TPO: variants seen among roughly 807,000 people sequenced by gnomAD.
The protein encoded by TPO is thyroid peroxidase.
In TPO, 78 loss-of-function variants were observed where a neutral mutation model predicts 96.9. The observed-to-expected ratio is 0.81, with a 90% CI of 0.67 to 0.97. The LOEUF (loss-of-function observed/expected upper bound fraction) is 0.97, where lower values mean the gene tolerates loss of function less well. Ranked by LOEUF, TPO falls within the 50% of genes least tolerant of loss-of-function variation. TPO has a pLI of 0.00. For synonymous variants in TPO, 547 were observed against 538.0 expected (o/e 1.02, Z -0.23); for missense variants, 1,252 against 1,274.8 (o/e 0.98, Z 0.27).
chr2:1,391,048 G>A (rs1661992184), intron 1 of TPO, among the ~76,000 whole-genome samples: 1 of 152,144 alleles, frequency 6.6e-6, no homozygotes. Flanking sequence ...GATCCCATTT[G>A]TCAATTTTGG....
chr2:1,530,802 C>T (rs542776013), intron 15 of TPO, among the ~76,000 whole-genome samples: 4 of 127,476 alleles, frequency 3.1e-5, no homozygotes, highest in Non-Finnish European at 3.2e-5. Context: ...TCAAATCCCC[C>T]GACTGTGTGC....
chr2:1,430,686 G>A (rs910824728), intron 3 of TPO, among the ~76,000 whole-genome samples: 1 of 152,252 alleles, frequency 6.6e-6, no homozygotes, highest in Admixed American at 6.5e-5. Context: ...GCTGCCCAAG[G>A]CTATGGGAGC....
intron 1 of TPO, 106 bp downstream of exon 1, chr2:1,413,651 A>G: frequency 2.0e-6 from 2 of 985,334 alleles, no homozygotes; most frequent in Non-Finnish European, 2.4e-6. Context: ...TATAGCAGGT[A>G]TGGGTGGCGT....
chr2:1,537,537 C>T (rs1272840448), intron 15 of TPO, among the ~76,000 whole-genome samples: 189 of 39,814 alleles, frequency 4.7e-3, no homozygotes, highest in Non-Finnish European at 6.8e-3. Flanking sequence ...GCCTATCCCC[C>T]CCAGTGTGCA....
intron 3 of TPO, among the ~76,000 whole-genome samples, chr2:1,427,694 C>T (rs1486900280): frequency 6.6e-6 from 1 of 152,176 alleles, no homozygotes; most frequent in African/African-American, 2.4e-5. Flanking sequence ...GTCCGGGAGA[C>T]CAGAGGCCGA....
intron 1 of TPO, among the ~76,000 whole-genome samples, chr2:1,394,765 T>G (rs527551049): frequency 5.6e-4 from 85 of 152,304 alleles, no homozygotes; most frequent in African/African-American, 2.0e-3. Flanking sequence ...TTATAATTTT[T>G]TGAGAAGGGG....
At chr2:1,521,044 C>T (rs1287914053) in intron 15 of TPO, among the ~76,000 whole-genome samples, 1 of 152,206 alleles carries the variant, frequency 6.6e-6, no homozygotes, top group Non-Finnish European at 1.5e-5. Flanking sequence ...TTCTGAAATA[C>T]AATTTTTCAG....
At chr2:1,450,410 G>A (rs903633902) in intron 5 of TPO, among the ~76,000 whole-genome samples, 1 of 152,154 alleles carries the variant, frequency 6.6e-6, no homozygotes, top group African/African-American at 2.4e-5. Context: ...AGAGTGACTC[G>A]GAGCCTCAGC....
chr2:1,427,739 C>A (rs375416986), intron 3 of TPO, among the ~76,000 whole-genome samples: 1 of 152,218 alleles, frequency 6.6e-6, no homozygotes, highest in Non-Finnish European at 1.5e-5. Context: ...CAGTTGCTCA[C>A]CCCATGATCT....
At chr2:1,458,521 A>G (rs906183778) in intron 7 of TPO, among the ~76,000 whole-genome samples, 5 of 151,964 alleles carry the variant, frequency 3.3e-5, no homozygotes, top group African/African-American at 1.2e-4. Flanking sequence ...ACATGTGTAT[A>G]TGGCATATAA....
intron 7 of TPO, among the ~76,000 whole-genome samples, chr2:1,459,944 T>C (rs894269150): frequency 1.6e-5 from 1 of 63,016 alleles, no homozygotes; most frequent in Non-Finnish European, 3.6e-5. Context: ...GATTCTTTCT[T>C]TCTTTTTTTT....
Position 1,487,957 on chromosome 2 carries a change from C to A in TPO, c.1734C>A (p.Ile578=), listed in dbSNP as rs370844749. Reference sequence around the variant, plus strand: ...CCAGCACCTTGGATCTGGCGTCCATCAACCTGCAGAGGGGCCGGGACCACG... The same window carrying A: ...CCAGCACCTTGGATCTGGCGTCCATAAACCTGCAGAGGGGCCGGGACCACG... ...SNSSTLDLAS[I]NLQRGRDHGL... Residue 578 remains isoleucine (I), a synonymous_variant, in exon 10 of 17, where the codon ATC becomes ATA. Coordinates refer to ENST00000329066, the MANE Select transcript of TPO (RefSeq NM_001206744.2). 2 of 1,613,808 alleles carry A rather than the reference C, an allele frequency of 1.2e-6. No individual in the cohort carries two copies. The highest frequency in any genetic ancestry group is 2.2e-5 in the East Asian group (1 of 44,890).
intron 1 of TPO, among the ~76,000 whole-genome samples, chr2:1,377,713 G>A (rs915386988): frequency 6.6e-6 from 1 of 152,162 alleles, no homozygotes; most frequent in Non-Finnish European, 1.5e-5. Context: ...GTTAGCACAG[G>A]TGGGGAAATG....
chr2:1,533,472 TCCC>T (rs1333944942), intron 15 of TPO, among the ~76,000 whole-genome samples: 5 of 14,938 alleles, frequency 3.3e-4, no homozygotes, highest in Admixed American at 1.3e-3. Flanking sequence ...CCTCCCCAAA[TCCC>T]CCCAACTGTT....
chr2:1,431,974 C>G (rs73170209), intron 3 of TPO, among the ~76,000 whole-genome samples: 7,981 of 152,298 alleles, frequency 0.052, 582 homozygotes, highest in African/African-American at 0.15. Flanking sequence ...ACCTCCCCAA[C>G]TCTACTCTCT....
chr2:1,462,338 C>G (rs1668523744), intron 7 of TPO, among the ~76,000 whole-genome samples: 1 of 152,056 alleles, frequency 6.6e-6, no homozygotes, highest in African/African-American at 2.4e-5. Flanking sequence ...AAACTCAGGG[C>G]ACAGACAAGA....
intron 14 of TPO, among the ~76,000 whole-genome samples, chr2:1,514,233 C>G (rs1259906353): frequency 6.6e-6 from 1 of 152,120 alleles, no homozygotes; most frequent in Non-Finnish European, 1.5e-5. Flanking sequence ...CTACTGGGGC[C>G]CTGGAAGGAT....
At chr2:1,397,706 AC>A (rs985825695) in intron 1 of TPO, among the ~76,000 whole-genome samples, 1 of 151,530 alleles carries the variant, frequency 6.6e-6, no homozygotes, top group East Asian at 1.9e-4. Context: ...CAAGCCTCCC[AC>A]CCCCGGGTCC....
chr2:1,423,957 A>C (rs945098725), intron 3 of TPO, among the ~76,000 whole-genome samples: 9 of 152,194 alleles, frequency 5.9e-5, no homozygotes, highest in Non-Finnish European at 4.4e-5. Context: ...GGTGGATACC[A>C]AGTGCGTAGT....
Sources: gnomAD v4.1 joint callset for allele counts (sites outside exome capture counted in the v4.1 genomes callset) on GRCh38, gnomAD v4.1.1 for gene constraint, MANE v1.5 for transcripts, NCBI Gene and HGNC (gene_info 2026-07-23, HGNC 2026-07-21) for gene names.